ZSWIM5: variants seen among roughly 807,000 people sequenced by gnomAD.
ZSWIM5 encodes zinc finger SWIM domain-containing protein 5.
In ZSWIM5, 55 loss-of-function variants were observed where a neutral mutation model predicts 119.6. The observed-to-expected ratio is 0.46, with a 90% CI of 0.37 to 0.58. The LOEUF is 0.58. Ranked by LOEUF, ZSWIM5 falls within the 20% of genes least tolerant of loss-of-function variation. The pLI is 0.00. For synonymous variants in ZSWIM5, 537 were observed against 606.9 expected (o/e 0.88, Z 1.69); for missense variants, 1,193 against 1,512.8 (o/e 0.79, Z 3.51).
In ZSWIM5 at chr1:45,205,811, G is replaced by A; in HGVS notation, c.540C>T (p.Phe180=). The part of the protein sequence containing the change: ...AAGCGGEGLP[F]RRGIRLLDSG... The stretch of plus-strand genomic sequence containing the variant: ...TGTCCAGCAGACGGATGCCCCGGCG[G>A]AACGGGAGCCCCTCGCCACCGCAGC... The change falls in exon 1 of 14, where the codon TTC becomes TTT. Residue 180 remains phenylalanine (F), a synonymous_variant. Transcript: ENST00000359600. 1.9e-6 allele frequency: 3 copies of A among 1,541,136 alleles called. No homozygotes were observed. The highest frequency in any genetic ancestry group is 2.6e-6 in the Non-Finnish European group (3 of 1,147,978).
intron 1 of ZSWIM5, among the ~76,000 whole-genome samples, chr1:45,149,498 C>T (rs1645783054): frequency 6.6e-6 from 1 of 152,156 alleles, no homozygotes; most frequent in East Asian, 1.9e-4. Flanking sequence ...AGTAATTTCA[C>T]ATATTGGCAT....
At chr1:45,151,342 C>G (rs1289892738) in intron 1 of ZSWIM5, among the ~76,000 whole-genome samples, 1 of 151,876 alleles carries the variant, frequency 6.6e-6, no homozygotes, top group Non-Finnish European at 1.5e-5. Flanking sequence ...ACTCCAGAAC[C>G]TACAATAATA....
intron 7 of ZSWIM5, among the ~76,000 whole-genome samples, chr1:45,039,852 G>A (rs1369405326): frequency 6.6e-6 from 1 of 151,932 alleles, no homozygotes; most frequent in East Asian, 1.9e-4. Context: ...TTACAGGCAC[G>A]CGCCACCACG....
intron 2 of ZSWIM5, among the ~76,000 whole-genome samples, chr1:45,068,474 C>CA (rs1391375696): frequency 1.3e-4 from 18 of 141,680 alleles, no homozygotes; most frequent in African/African-American, 4.5e-4. Context: ...CCAGTCTGGG[C>CA]AACGAGAGCG....
chr1:45,191,192 C>CA (rs1646090684), intron 1 of ZSWIM5, among the ~76,000 whole-genome samples: 1 of 152,034 alleles, frequency 6.6e-6, no homozygotes, highest in Non-Finnish European at 1.5e-5. Context: ...CTCGGCCTCC[C>CA]AAAGTGCTGG....
At chr1:45,132,094 A>G (rs1157826424) in intron 1 of ZSWIM5, among the ~76,000 whole-genome samples, 1 of 150,004 alleles carries the variant, frequency 6.7e-6, no homozygotes, top group Non-Finnish European at 1.5e-5. Flanking sequence ...AATTTTACAA[A>G]CATTTTATAA....
chr1:45,165,052 CCA>C (rs1645892420), intron 1 of ZSWIM5, among the ~76,000 whole-genome samples: 1 of 151,890 alleles, frequency 6.6e-6, no homozygotes, highest in South Asian at 2.1e-4. Flanking sequence ...CCAAAATTGA[CCA>C]CATAGTTGGA....
At chr1:45,023,273 T>C (rs1485027147) in intron 11 of ZSWIM5, among the ~76,000 whole-genome samples, 1 of 152,212 alleles carries the variant, frequency 6.6e-6, no homozygotes, top group Non-Finnish European at 1.5e-5. Context: ...CTGGCAACTA[T>C]TGATCTTTTT....
At chr1:45,056,879 A>G (rs1013471998) in intron 4 of ZSWIM5, among the ~76,000 whole-genome samples, 1 of 152,092 alleles carries the variant, frequency 6.6e-6, no homozygotes, top group African/African-American at 2.4e-5. Flanking sequence ...AGATGATGAA[A>G]CTTCATGTGT....
intron 2 of ZSWIM5, among the ~76,000 whole-genome samples, chr1:45,068,416 A>T (rs747891374): frequency 2.6e-5 from 4 of 151,892 alleles, no homozygotes; most frequent in Non-Finnish European, 5.9e-5. Context: ...GATAAGTGGT[A>T]ATTTAAAAAT....
intron 8 of ZSWIM5, among the ~76,000 whole-genome samples, chr1:45,037,864 C>T (rs889906920): frequency 2.0e-5 from 3 of 152,142 alleles, no homozygotes; most frequent in African/African-American, 4.8e-5. Flanking sequence ...GAAGTAAGCA[C>T]GGTTTAAAAG....
At chr1:45,185,094 C>T (rs1646049084) in intron 1 of ZSWIM5, among the ~76,000 whole-genome samples, 1 of 151,986 alleles carries the variant, frequency 6.6e-6, no homozygotes, top group Non-Finnish European at 1.5e-5. Context: ...GAAATAACGC[C>T]GCATATCTAC....
chr1:45,077,796 C>T (rs1408716832), intron 2 of ZSWIM5, among the ~76,000 whole-genome samples: 1 of 152,208 alleles, frequency 6.6e-6, no homozygotes, highest in Non-Finnish European at 1.5e-5. Context: ...CATCCTCTTT[C>T]TCAGGGACGT....
At chr1:45,044,202 A>AG (rs1553189019) in intron 5 of ZSWIM5, among the ~76,000 whole-genome samples, 20 of 144,064 alleles carry the variant, frequency 1.4e-4, no homozygotes, top group Admixed American at 2.1e-4. Flanking sequence ...AAAAAAAAAA[A>AG]AGAGAGAGAG....
chr1:45,131,532 TCG>T (rs1645656397), intron 1 of ZSWIM5, among the ~76,000 whole-genome samples: 1 of 151,916 alleles, frequency 6.6e-6, no homozygotes, highest in South Asian at 2.1e-4. Context: ...GAAACCAGCC[TCG>T]CCAACATGGC....
chr1:45,165,823 T>C lies in ZSWIM5; in HGVS notation c.595+39933A>G, dbSNP rs1367068508. ...CAGGCTCTGAAATTGAGGCAATAAT[T>C]AATAGCCTACCAACCAAAAAAAGTC... On this transcript the variant is annotated intron_variant, in intron 1 of 13. Transcript: ENST00000359600. Among the ~76,000 whole-genome samples the C allele has an allele frequency of 3.9e-5, 6 of 152,008 alleles. 2 individuals carry two copies. Among genetic ancestry groups the C allele is most frequent in the Non-Finnish European group, 8.8e-5 (6 of 67,976 alleles).
At chr1:45,035,967 G>A in intron 9 of ZSWIM5, 72 bp downstream of exon 9, 1 of 1,574,062 alleles carries the variant, frequency 6.4e-7, no homozygotes, top group Non-Finnish European at 8.6e-7. Context: ...TCCTGTACTT[G>A]TACTCTATTG....
chr1:45,060,191 C>G lies in ZSWIM5; in HGVS notation c.1009G>C (p.Asp337His). 1.2e-6 allele frequency: 2 copies of G among 1,614,170 alleles called. No homozygotes were observed. The highest frequency in any genetic ancestry group is 1.7e-6 in the Non-Finnish European group (2 of 1,180,038). Residue 337 changes from aspartate to histidine, a missense_variant, in exon 3 of 14, where the codon GAT becomes CAT. By Grantham distance (81) the Asp-to-His change is moderately conservative. Transcript: ENST00000359600. ...SIDDENCWHL[D>H]EEQVKEQVKL... ...ACTTGTTCTTTCACCTGTTCTTCAT[C>G]CAAATGCCAACAGTTCTCATCGTCA...
Position 45,082,006 on chromosome 1 carries a change from T to A in ZSWIM5, c.952+5875A>T, listed in dbSNP as rs572182239. Reference sequence around the variant, plus strand: ...TAAGAAAAATTCTTCTGCCTTGGGATCCTGTTGATCTGTGACCTTATCCCC... The same window carrying A: ...TAAGAAAAATTCTTCTGCCTTGGGAACCTGTTGATCTGTGACCTTATCCCC... On this transcript the variant is annotated intron_variant, in intron 2 of 13. Coordinates refer to ENST00000359600, the MANE Select transcript of ZSWIM5 (RefSeq NM_020883.2). Among the ~76,000 whole-genome samples, 64 of 152,278 alleles carry A rather than the reference T, an allele frequency of 4.2e-4. No individual in the cohort carries two copies. In the South Asian group the frequency reaches 0.012, roughly 29 times the overall value.
Sources: allele counts gnomAD v4.1 joint callset (sites outside exome capture counted in the v4.1 genomes callset), GRCh38; gene constraint gnomAD v4.1.1; transcripts MANE v1.5; gene names NCBI Gene and HGNC (gene_info 2026-07-23, HGNC 2026-07-21).